TSBP1: variants seen among roughly 807,000 people sequenced by gnomAD.
The protein encoded by TSBP1 is testis-expressed basic protein 1.
Under a neutral mutation model 68.8 loss-of-function variants are expected in TSBP1, and 56 were observed. The observed-to-expected ratio is 0.81, with a 90% CI of 0.66 to 1.02. The LOEUF (loss-of-function observed/expected upper bound fraction) is 1.02. Among genes scored for constraint, TSBP1 ranks in the 50% least tolerant of loss-of-function variants. The pLI, the probability that TSBP1 is intolerant of heterozygous loss-of-function variation, is 0.00. For missense variants in TSBP1, 502 were observed against 641.2 expected, an observed-to-expected ratio of 0.78 and a Z score of 2.34; for synonymous variants, 171 against 208.7, an observed-to-expected ratio of 0.82 and a Z score of 1.56.
chr6:32,335,216 C>T lies in TSBP1; in HGVS notation c.472+221G>A, dbSNP rs1196236387. On this transcript the variant is annotated intron_variant, in intron 14 of 22. Coordinates refer to ENST00000612031, the Ensembl canonical transcript of TSBP1. The surrounding 1 kb of genome is among the most constrained non-coding windows in gnomAD (Gnocchi z 5.5). ...TGCTGAAGTGGAAACAGCTTAGGAC[C>T]ATCTCTAGCAGGATATTTTTCACTT... Among the ~76,000 whole-genome samples, 1 of 152,044 alleles carries T rather than the reference C, an allele frequency of 6.6e-6. No individual in the cohort carries two copies. The highest frequency in any genetic ancestry group is 1.5e-5 in the Non-Finnish European group (1 of 68,020).
intron 14 of TSBP1, among the ~76,000 whole-genome samples, chr6:32,332,994 C>A (rs1359551238): frequency 6.6e-6 from 1 of 151,422 alleles, no homozygotes; most frequent in Non-Finnish European, 1.5e-5. Context: ...ATATCGAAAG[C>A]CTGTTATGTT....
At chr6:32,328,786 C>T (rs1768577003) in intron 16 of TSBP1, among the ~76,000 whole-genome samples, 1 of 150,738 alleles carries the variant, frequency 6.6e-6, no homozygotes, top group Admixed American at 6.6e-5. Context: ...CTGCTGACCT[C>T]GTGATCCACC....
At chr6:32,345,023 CT>C (rs1252274432) in intron 9 of TSBP1, among the ~76,000 whole-genome samples, 1 of 152,000 alleles carries the variant, frequency 6.6e-6, no homozygotes, top group Non-Finnish European at 1.5e-5. Context: ...CCTACTAATT[CT>C]TTTAATTGTT....
At chr6:32,307,417 G>A (rs7341328) in intron 19 of TSBP1, among the ~76,000 whole-genome samples, 31,972 of 151,922 alleles carry the variant, frequency 0.21, 3,549 homozygotes, top group East Asian at 0.22. Flanking sequence ...CTCAGAAAAT[G>A]TGATTTATAT....
intron 19 of TSBP1, among the ~76,000 whole-genome samples, chr6:32,305,060 A>G (rs764473203): frequency 6.6e-6 from 1 of 152,176 alleles, no homozygotes; most frequent in African/African-American, 2.4e-5. Context: ...GGTTAAGTTA[A>G]ATGTTGAAAG....
At chr6:32,310,040 T>C (rs1766226378) in intron 19 of TSBP1, among the ~76,000 whole-genome samples, 1 of 152,226 alleles carries the variant, frequency 6.6e-6, no homozygotes, top group South Asian at 2.1e-4. Context: ...CTTAACATAA[T>C]GACCTTCATT....
chr6:32,365,459 C>T lies in TSBP1; in HGVS notation c.217+708G>A, dbSNP rs1448891280. On this transcript the variant is annotated intron_variant, in intron 6 of 22. Coordinates refer to ENST00000612031, the Ensembl canonical transcript of TSBP1. This position sits in a 1 kb window ranked among gnomAD's most constrained non-coding sequence, Gnocchi z 4.3. ...AGTGCAAGGAGCATAGGTCACGCAT[C>T]TCAAATGGCAGGCTTTCTGATGAGG... The T allele has an allele frequency of 2.2e-6, 1 of 456,770 alleles. No individual in the cohort carries two copies. Among genetic ancestry groups the T allele is most frequent in the Non-Finnish European group, 4.4e-6 (1 of 227,032 alleles). The allele number at this position is 456,770 out of a possible 1,614,324, so 28.3% of individuals were successfully genotyped here. A position where few individuals can be genotyped will look rare whatever the true frequency, so the allele number is the denominator to read the frequency against.
chr6:32,310,823 A>G (rs1236707450), intron 19 of TSBP1, among the ~76,000 whole-genome samples: 3 of 151,170 alleles, frequency 2.0e-5, no homozygotes, highest in East Asian at 3.9e-4. Flanking sequence ...GCCACAACCT[A>G]TCAGAACTCC....
chr6:32,318,263 A>G (rs996382708), intron 18 of TSBP1, among the ~76,000 whole-genome samples: 4 of 152,186 alleles, frequency 2.6e-5, no homozygotes, highest in Non-Finnish European at 4.4e-5. Flanking sequence ...ACACATGGAC[A>G]CAGAAGGAAA....
At position 32,321,973 on chromosome 6, in the gene TSBP1, A is replaced by G. The variant is rs1767679184; in HGVS notation, c.559+1144T>C. Among the ~76,000 whole-genome samples, 2 of 152,152 alleles carry G rather than the reference A, an allele frequency of 1.3e-5. No individual in the cohort carries two copies. The highest frequency in any genetic ancestry group is 4.8e-5 in the African/African-American group (2 of 41,424). ...CTCTTCAGACTATATGTGTCCTCCC[A>G]GTTTTACACAGTTCCCAGGAGATTC... On this transcript the variant is annotated intron_variant, in intron 18 of 22. Coordinates refer to ENST00000612031, the Ensembl canonical transcript of TSBP1. The surrounding 1 kb of genome is among the most constrained non-coding windows in gnomAD (Gnocchi z 4.3).
At position 32,327,798 on chromosome 6, in the gene TSBP1, G is replaced by GTT. The variant is rs377295118; in HGVS notation, c.514+2789_514+2790dup. ...CACGAAGTCTGGCTCATTTTTGTAG[G>GTT]TTTTTTTTTTTGAGACGGAGTCTTG... is the stretch of plus-strand genomic sequence containing the variant. On this transcript the variant is annotated intron_variant, in intron 16 of 22. Coordinates refer to ENST00000612031, the Ensembl canonical transcript of TSBP1. Among the ~76,000 whole-genome samples the GTT allele has an allele frequency of 6.6e-3, 945 of 142,464 alleles. 11 individuals are homozygous for GTT. The highest frequency in any genetic ancestry group is 0.021 in the East Asian group (101 of 4,890). 93.5% of individuals were successfully genotyped at this position (142,464 alleles called of 152,430 possible).
At chr6:32,307,111 C>T (rs1481110998) in intron 19 of TSBP1, among the ~76,000 whole-genome samples, 3 of 152,022 alleles carry the variant, frequency 2.0e-5, no homozygotes, top group African/African-American at 7.2e-5. Flanking sequence ...GTGTCCTACT[C>T]TTGAGATTTT....
chr6:32,323,578 A>G lies in TSBP1; in HGVS notation c.538+13T>C. On this transcript the variant is annotated intron_variant, in intron 17 of 22. Coordinates refer to ENST00000612031, the Ensembl canonical transcript of TSBP1. The stretch of plus-strand genomic sequence containing the variant: ...CAACAACAGAAAAGAGTAGAAAAAG[A>G]AATTGAACTTACCGCGGGGTGCTGA... 6.2e-7 allele frequency: 1 copy of G among 1,611,386 alleles called. No individual in the cohort carries two copies. Among genetic ancestry groups the G allele is most frequent in the Non-Finnish European group, 8.5e-7 (1 of 1,178,770 alleles).
At chr6:32,339,135 C>CT (rs1770026905) in intron 10 of TSBP1, 136 bp from the exon 12 acceptor site, 1 of 747,682 alleles carries the variant, frequency 1.3e-6, no homozygotes, top group Non-Finnish European at 2.4e-6. Context: ...AGGCATTTTC[C>CT]TTTTTTCCTT....
At position 32,315,205 on chromosome 6, in the gene TSBP1, G is replaced by A. The variant is rs143725448; in HGVS notation, c.580+567C>T. ...TATATTAAATATCATCATGGTCAACGCTTGATCTGGTTTAAAAATTGAGTC... is the reference window on the plus strand; with the variant it reads ...TATATTAAATATCATCATGGTCAACACTTGATCTGGTTTAAAAATTGAGTC... On this transcript the variant is annotated intron_variant, in intron 19 of 22. Transcript: ENST00000612031. The surrounding 1 kb of genome is among the most constrained non-coding windows in gnomAD (Gnocchi z 5.4). Among the ~76,000 whole-genome samples the A allele has an allele frequency of 3.5e-4, 54 of 152,180 alleles. No homozygotes were observed. Among genetic ancestry groups the A allele is most frequent in the Non-Finnish European group, 7.5e-4 (51 of 68,016 alleles).
intron 6 of TSBP1, among the ~76,000 whole-genome samples, chr6:32,360,459 T>C (rs1772873976): frequency 6.6e-6 from 1 of 152,106 alleles, no homozygotes; most frequent in Non-Finnish European, 1.5e-5. Flanking sequence ...GATGGACACC[T>C]AGTTTATTCC....
chr6:32,335,375 A>T lies in TSBP1; in HGVS notation c.472+62T>A. The T allele has an allele frequency of 6.9e-7, 1 of 1,443,930 alleles. No homozygotes were observed. The highest frequency in any genetic ancestry group is 9.2e-7 in the Non-Finnish European group (1 of 1,081,560). 89.4% of individuals were successfully genotyped at this position (1,443,930 alleles called of 1,614,324 possible). A position where few individuals can be genotyped will look rare whatever the true frequency, so the allele number is the denominator to read the frequency against. ...CTTGGGCATGAATAATTGAAATAAAAATAGATTGATGTTCTAAGTAAAGTA... is the reference window on the plus strand; with the variant it reads ...CTTGGGCATGAATAATTGAAATAAATATAGATTGATGTTCTAAGTAAAGTA... On this transcript the variant is annotated intron_variant, in intron 14 of 22. Transcript: ENST00000612031. This position sits in a 1 kb window ranked among gnomAD's most constrained non-coding sequence, Gnocchi z 5.5.
Position 32,369,801 on chromosome 6 carries a change from G to T in TSBP1, c.100+96C>A, listed in dbSNP as rs549491551. The T allele has an allele frequency of 2.3e-4, 188 of 823,476 alleles. 1 individual carries two copies. The highest frequency in any genetic ancestry group is 2.3e-3 in the African/African-American group (136 of 60,042). The allele number at this position is 823,476 out of a possible 1,614,324, so 51.0% of individuals were successfully genotyped here. A position where few individuals can be genotyped will look rare whatever the true frequency, so the allele number is the denominator to read the frequency against. ...TCCCAGAATATTGGCAAAGTCTCTA[G>T]CTGTTTGATGAGTGAGATGAACTCA... On this transcript the variant is annotated intron_variant, in intron 2 of 22. Coordinates refer to ENST00000612031, the Ensembl canonical transcript of TSBP1.
At chr6:32,326,573 A>G (rs1768241735) in intron 16 of TSBP1, among the ~76,000 whole-genome samples, 1 of 152,242 alleles carries the variant, frequency 6.6e-6, no homozygotes, top group African/African-American at 2.4e-5. Flanking sequence ...CACAATGTGG[A>G]TGCATACATT....
Sources: allele counts gnomAD v4.1 joint callset (sites outside exome capture counted in the v4.1 genomes callset), GRCh38; gene constraint gnomAD v4.1.1; non-coding constraint Gnocchi (gnomAD v3.1); transcripts MANE v1.5; gene names NCBI Gene and HGNC (gene_info 2026-07-23, HGNC 2026-07-21).